The following AGAP1 variants were observed in gnomAD, a reference collection of about 807,000 sequenced individuals.
AGAP1 encodes arf-GAP with GTPase, ANK repeat and PH domain-containing protein 1.
Under a neutral mutation model 105.3 loss-of-function variants are expected in AGAP1, and 29 were observed. That is an observed-to-expected ratio of 0.28 (90% CI 0.21 to 0.38). The LOEUF is 0.38. AGAP1 is among the 10% of genes least tolerant of loss of function. The probability of loss-of-function intolerance (pLI) is 1.00; values close to 1 mark genes in which losing one functional copy is unlikely to be tolerated. For synonymous variants in AGAP1, 509 were observed against 485.9 expected, an observed-to-expected ratio of 1.05 and a Z score of -0.63; for missense variants, 998 against 1,165.1, an observed-to-expected ratio of 0.86 and a Z score of 2.09.
In AGAP1 at chr2:236,095,856, G is replaced by A. The variant is rs535687426; in HGVS notation, c.2115-24336G>A. ...ATATTTTTGAGTTTTGCATCATGGC[G>A]CATAGCTGCTTTTTTCCTTTTAGGA... is the stretch of plus-strand genomic sequence containing the variant. On this transcript the variant is annotated intron_variant, in intron 16 of 17. Coordinates refer to ENST00000304032, the MANE Select transcript of AGAP1 (RefSeq NM_001037131.3). The surrounding 1 kb of genome is among the most constrained non-coding windows in gnomAD (Gnocchi z 4.1). 2.6e-5 allele frequency among the ~76,000 whole-genome samples: 4 copies of A among 152,064 alleles called. No individual in the cohort carries two copies. The highest frequency in any genetic ancestry group is 4.8e-5 in the African/African-American group (2 of 41,442).
intron 1 of AGAP1, among the ~76,000 whole-genome samples, chr2:235,512,029 G>C (rs111436595): frequency 3.1e-5 from 1 of 32,706 alleles, no homozygotes; most frequent in Non-Finnish European, 4.8e-5. Context: ...TGTGAGGTGT[G>C]AATGTGTGTG....
At position 235,690,812 on chromosome 2, in the gene AGAP1, AT is replaced by A. The variant is rs1360113436; in HGVS notation, c.164-18360del. ...CATTGTGTTTCTTCTTGATTTATTT[AT>A]TTTTTTCTCCAGTCTAGTCATAGTA... On this transcript the variant is annotated intron_variant, in intron 1 of 17. Coordinates refer to ENST00000304032, the MANE Select transcript of AGAP1 (RefSeq NM_001037131.3). The surrounding 1 kb of genome is among the most constrained non-coding windows in gnomAD (Gnocchi z 4.1). Among the ~76,000 whole-genome samples, 4 of 151,734 alleles carry A rather than the reference AT, an allele frequency of 2.6e-5. No individual in the cohort carries two copies. Among genetic ancestry groups the A allele is most frequent in the Non-Finnish European group, 5.9e-5 (4 of 67,972 alleles).
intron 6 of AGAP1, among the ~76,000 whole-genome samples, chr2:235,786,936 C>T (rs1167833532): frequency 1.3e-5 from 2 of 152,336 alleles, no homozygotes; most frequent in South Asian, 2.1e-4. Flanking sequence ...TTCTGGCTCC[C>T]GTATTCTTGA....
At chr2:236,075,487 T>C (rs1461068915) in intron 16 of AGAP1, among the ~76,000 whole-genome samples, 2 of 152,062 alleles carry the variant, frequency 1.3e-5, no homozygotes, top group Non-Finnish European at 2.9e-5. Context: ...AATAGTGAAC[T>C]GTGTTCTGGC....
chr2:235,570,212 C>G (rs1022343738), intron 1 of AGAP1, among the ~76,000 whole-genome samples: 1 of 152,194 alleles, frequency 6.6e-6, no homozygotes, highest in African/African-American at 2.4e-5. Flanking sequence ...AAGCAGTGAT[C>G]GGTGCTTCTG....
chr2:235,708,604 ACT>A (rs10524755), intron 1 of AGAP1, among the ~76,000 whole-genome samples: 11,625 of 152,070 alleles, frequency 0.076, 1,453 homozygotes, highest in African/African-American at 0.26. Flanking sequence ...GAGGGTCAAA[ACT>A]CTAGCACCAG....
chr2:235,847,145 C>T (rs1380906474), intron 9 of AGAP1, among the ~76,000 whole-genome samples: 1 of 152,208 alleles, frequency 6.6e-6, no homozygotes, highest in African/African-American at 2.4e-5. Flanking sequence ...TAGAACATCT[C>T]ATGAGACTTT....
At position 236,040,342 on chromosome 2, in the gene AGAP1, A is replaced by G. The variant is rs1181705414; in HGVS notation, c.1801-409A>G. Among the ~76,000 whole-genome samples the G allele has an allele frequency of 6.6e-6, 1 of 152,120 alleles. No homozygotes were observed. The highest frequency in any genetic ancestry group is 1.5e-5 in the Non-Finnish European group (1 of 68,032). ...CCATGAGATATGTCTTACATTGCTG[A>G]TGAAGCCCTAACCCTGGGCTTATAA... is the stretch of plus-strand genomic sequence containing the variant. On this transcript the variant is annotated intron_variant, in intron 14 of 17. Transcript: ENST00000304032. The surrounding 1 kb of genome is among the most constrained non-coding windows in gnomAD (Gnocchi z 5.6).
intron 9 of AGAP1, among the ~76,000 whole-genome samples, chr2:235,880,275 C>G (rs998735565): frequency 4.6e-5 from 7 of 152,056 alleles, no homozygotes; most frequent in Non-Finnish European, 1.0e-4. Context: ...ACCTCCCACA[C>G]GCCAGCCAGA....
Position 235,967,615 on chromosome 2 carries a change from A to T in AGAP1, c.1484-847A>T, listed in dbSNP as rs991058205. Among the ~76,000 whole-genome samples, 1 of 152,212 alleles carries T rather than the reference A, an allele frequency of 6.6e-6. No homozygotes were observed. The highest frequency in any genetic ancestry group is 1.5e-5 in the Non-Finnish European group (1 of 68,046). Reference sequence around the variant, plus strand: ...TGTACAGAACTCTGACTTTGGACTTAAAGATGCTGAATCGTGAAATAAAAA... The same window carrying T: ...TGTACAGAACTCTGACTTTGGACTTTAAGATGCTGAATCGTGAAATAAAAA... On this transcript the variant is annotated intron_variant, in intron 12 of 17. Coordinates refer to ENST00000304032, the MANE Select transcript of AGAP1 (RefSeq NM_001037131.3). The surrounding 1 kb of genome is among the most constrained non-coding windows in gnomAD (Gnocchi z 4.7).
intron 9 of AGAP1, among the ~76,000 whole-genome samples, chr2:235,817,542 C>T (rs1958527630): frequency 2.0e-5 from 3 of 152,202 alleles, no homozygotes; most frequent in African/African-American, 7.2e-5. Context: ...CCAAAGCTGA[C>T]AGCTATAAGT....
Position 235,577,485 on chromosome 2 carries a change from C to G in AGAP1, c.163+82636C>G, listed in dbSNP as rs1944771961. On this transcript the variant is annotated intron_variant, in intron 1 of 17. Coordinates refer to ENST00000304032, the MANE Select transcript of AGAP1 (RefSeq NM_001037131.3). This position sits in a 1 kb window ranked among gnomAD's most constrained non-coding sequence, Gnocchi z 4.5. ...GACACTGCCTCTCGCTGAATGCCTG[C>G]TTGGAGCAGAGTCCTGTGTTTGTTT... Among the ~76,000 whole-genome samples, 1 of 152,100 alleles carries G rather than the reference C, an allele frequency of 6.6e-6. No individual in the cohort carries two copies. Among genetic ancestry groups the G allele is most frequent in the South Asian group, 2.1e-4 (1 of 4,820 alleles).
chr2:236,107,215 G>T (rs1212996021), intron 16 of AGAP1, among the ~76,000 whole-genome samples: 1 of 152,038 alleles, frequency 6.6e-6, no homozygotes, highest in Admixed American at 6.6e-5. Flanking sequence ...CCTGGGAGAG[G>T]GTGGCTGCCC....
rs917050942 is a variant in AGAP1 at position 235,780,343 on chromosome 2, T to G, written c.674-17416T>G. On this transcript the variant is annotated intron_variant, in intron 6 of 17. Coordinates refer to ENST00000304032, the MANE Select transcript of AGAP1 (RefSeq NM_001037131.3). ...TATGTATTTCCACAGAAAATTGGAT[T>G]CTGCCCATAAAACTTAGTAATACTA... is the stretch of plus-strand genomic sequence containing the variant. 9.8e-5 allele frequency among the ~76,000 whole-genome samples: 15 copies of G among 152,350 alleles called. No individual in the cohort carries two copies. In the East Asian group the frequency reaches 2.7e-3, roughly 27 times the overall value.
Position 236,040,688 on chromosome 2 carries a change from T to A in AGAP1, c.1801-63T>A. Reference sequence around the variant, plus strand: ...TCTGTTTGATCTTTCCCTGATGTTATCAGTGATGTGCGTTTCTCCCGGGGT... The same window carrying A: ...TCTGTTTGATCTTTCCCTGATGTTAACAGTGATGTGCGTTTCTCCCGGGGT... On this transcript the variant is annotated intron_variant, in intron 14 of 17. Coordinates refer to ENST00000304032, the MANE Select transcript of AGAP1 (RefSeq NM_001037131.3). This position sits in a 1 kb window ranked among gnomAD's most constrained non-coding sequence, Gnocchi z 5.6. The A allele has an allele frequency of 6.7e-7, 1 of 1,494,348 alleles. No homozygotes were observed. The highest frequency in any genetic ancestry group is 1.1e-5 in the South Asian group (1 of 87,626). 92.6% of individuals were successfully genotyped at this position (1,494,348 alleles called of 1,614,324 possible). A position where few individuals can be genotyped will look rare whatever the true frequency, so the allele number is the denominator to read the frequency against.
intron 16 of AGAP1, among the ~76,000 whole-genome samples, chr2:236,054,765 C>A (rs538644320): frequency 1.2e-3 from 186 of 152,274 alleles, no homozygotes; most frequent in Middle Eastern, 6.8e-3. Context: ...TATTTACATA[C>A]CCCCAGCTCC....
rs989005240 is a variant in AGAP1, at chr2:236,082,822, C to T, written c.2114+33541C>T. Among the ~76,000 whole-genome samples the T allele has an allele frequency of 3.3e-5, 5 of 151,812 alleles. No homozygotes were observed. Among genetic ancestry groups the T allele is most frequent in the East Asian group, 1.9e-4 (1 of 5,166 alleles). On this transcript the variant is annotated intron_variant, in intron 16 of 17. Coordinates refer to ENST00000304032, the MANE Select transcript of AGAP1 (RefSeq NM_001037131.3). The surrounding 1 kb of genome is among the most constrained non-coding windows in gnomAD (Gnocchi z 4.2). ...CCTGGAGGTGGAGGTTGCAGTGAGC[C>T]GAGATTGCACCCATTGCACTCCAGC...
chr2:235,786,820 A>G (rs1164548360), intron 6 of AGAP1, among the ~76,000 whole-genome samples: 1 of 152,220 alleles, frequency 6.6e-6, no homozygotes, highest in Non-Finnish European at 1.5e-5. Flanking sequence ...GTCCTGAAGA[A>G]TAAGTTCATT....
At position 235,960,995 on chromosome 2, in the gene AGAP1, G is replaced by C. The variant is rs2054161222; in HGVS notation, c.1484-7467G>C. Among the ~76,000 whole-genome samples the C allele has an allele frequency of 6.6e-6, 1 of 152,222 alleles. No homozygotes were observed. The stretch of plus-strand genomic sequence containing the variant: ...GTTCCATCCACCCGCGCAAGTGTCT[G>C]TCACACAGAGGTTAGTTCTTTCATA... On this transcript the variant is annotated intron_variant, in intron 12 of 17. Coordinates refer to ENST00000304032, the MANE Select transcript of AGAP1 (RefSeq NM_001037131.3). The surrounding 1 kb of genome is among the most constrained non-coding windows in gnomAD (Gnocchi z 4.9).
Sources: gnomAD v4.1 joint callset for allele counts (sites outside exome capture counted in the v4.1 genomes callset) on GRCh38, gnomAD v4.1.1 for gene constraint, Gnocchi (gnomAD v3.1) non-coding constraint, MANE v1.5 for transcripts, NCBI Gene and HGNC (gene_info 2026-07-23, HGNC 2026-07-21) for gene names.